Variants in GPM6A observed in about 807,000 individuals in gnomAD.
GPM6A encodes glycoprotein M6A, also known as neuronal membrane glycoprotein M6-a.
GPM6A carries 7 observed loss-of-function variants against 32.1 expected under a neutral mutation model. The ratio of observed to expected loss-of-function variants is 0.22; its 90% confidence interval spans 0.12 to 0.41. The LOEUF is 0.41. Ranked by LOEUF, GPM6A falls within the 10% of genes least tolerant of loss-of-function variation. The pLI, the probability that GPM6A is intolerant of heterozygous loss-of-function variation, is 1.00. For synonymous variants in GPM6A, 130 were observed against 123.4 expected (o/e 1.05, Z -0.35); for missense variants, 235 against 347.2 (o/e 0.68, Z 2.57).
chr4:175,883,258 C>G (rs1737339355), intron 1 of GPM6A, among the ~76,000 whole-genome samples: 1 of 152,046 alleles, frequency 6.6e-6, no homozygotes, highest in African/African-American at 2.4e-5. Flanking sequence ...AGCTACTGCT[C>G]TAGACTATCA....
At position 175,653,844 on chromosome 4, in the gene GPM6A, C is replaced by A. The variant is rs941563159; in HGVS notation, c.388-1857G>T. ...TTGACTGTATATGGTAAACATTTTA[C>A]TCATCTTCCCCAGAGTGAAAGGATA... is the stretch of plus-strand genomic sequence containing the variant. On this transcript the variant is annotated intron_variant, in intron 3 of 6. Coordinates refer to ENST00000393658, the MANE Select transcript of GPM6A (RefSeq NM_201591.3). 2.0e-5 allele frequency among the ~76,000 whole-genome samples: 3 copies of A among 152,196 alleles called. No homozygotes were observed. In the East Asian group the frequency reaches 5.8e-4, roughly 29 times the overall value.
At chr4:175,933,027 CA>C (rs1233108389) in intron 1 of GPM6A, among the ~76,000 whole-genome samples, 2 of 151,798 alleles carry the variant, frequency 1.3e-5, no homozygotes, top group East Asian at 3.9e-4. Flanking sequence ...TATAAAAAAA[CA>C]CCACACAACT....
intron 1 of GPM6A, among the ~76,000 whole-genome samples, chr4:175,772,349 T>A (rs1733224285): frequency 6.6e-6 from 1 of 152,170 alleles, no homozygotes; most frequent in African/African-American, 2.4e-5. Context: ...CAGGAAAGGC[T>A]GAAGTCCTAG....
At chr4:175,638,604 G>A (rs1452085840) in intron 6 of GPM6A, among the ~76,000 whole-genome samples, 1 of 152,006 alleles carries the variant, frequency 6.6e-6, no homozygotes, top group East Asian at 1.9e-4. Flanking sequence ...AATAACATTT[G>A]TCTAAATAGG....
In GPM6A at chr4:175,888,845, G is replaced by A. The variant is rs554393867; in HGVS notation, c.-22-76596C>T. Among the ~76,000 whole-genome samples, 11 of 152,084 alleles carry A rather than the reference G, an allele frequency of 7.2e-5. No homozygotes were observed. In the South Asian group the frequency reaches 2.1e-3, roughly 29 times the overall value. On this transcript the variant is annotated intron_variant, in intron 1 of 7. Transcript: ENST00000280187. ...CCAAGGATAATATAGTCAACATAAA[G>A]TAATACGGTAACATAAAGATCTACA...
chr4:175,970,982 G>A (rs1474151310), intron 1 of GPM6A: 10 of 425,264 alleles, frequency 2.4e-5, no homozygotes, highest in Non-Finnish European at 4.6e-5. Context: ...AGCGCAGAGC[G>A]CTCCTGGGGA....
intron 1 of GPM6A, among the ~76,000 whole-genome samples, chr4:175,910,609 T>A (rs1738284486): frequency 6.6e-6 from 1 of 152,210 alleles, no homozygotes; most frequent in South Asian, 2.1e-4. Flanking sequence ...ACTAGGCTTC[T>A]GAAATTTCTG....
intron 1 of GPM6A, among the ~76,000 whole-genome samples, chr4:175,885,481 A>G (rs1390965748): frequency 6.6e-6 from 1 of 152,158 alleles, no homozygotes; most frequent in Non-Finnish European, 1.5e-5. Context: ...TATTTTAAAA[A>G]TTATCCAGGT....
At chr4:175,900,116 C>CA (rs772236173) in intron 1 of GPM6A, among the ~76,000 whole-genome samples, 27 of 151,724 alleles carry the variant, frequency 1.8e-4, no homozygotes, top group Non-Finnish European at 3.4e-4. Context: ...ACTAAAAATA[C>CA]AAAAAAGTTA....
At chr4:175,924,406 T>G (rs1456319629) in intron 1 of GPM6A, among the ~76,000 whole-genome samples, 22 of 152,138 alleles carry the variant, frequency 1.4e-4, no homozygotes, top group Admixed American at 1.4e-3. Context: ...CTGTGGCCCT[T>G]GCTAAAGACT....
intron 1 of GPM6A, among the ~76,000 whole-genome samples, chr4:175,808,290 A>G (rs1198831514): frequency 6.6e-6 from 1 of 152,214 alleles, no homozygotes; most frequent in Non-Finnish European, 1.5e-5. Flanking sequence ...CCTTGTGTGC[A>G]TAGATTCCTT....
chr4:175,777,327 C>G, intron 1 of GPM6A, among the ~76,000 whole-genome samples: 1 of 152,020 alleles, frequency 6.6e-6, no homozygotes, highest in Middle Eastern at 3.2e-3. Context: ...AACCTTGGCA[C>G]ACCTGTTTAT....
At chr4:175,860,692 AC>A (rs1387101471) in intron 1 of GPM6A, among the ~76,000 whole-genome samples, 1 of 152,096 alleles carries the variant, frequency 6.6e-6, no homozygotes, top group Non-Finnish European at 1.5e-5. Context: ...AGCAAGCAGA[AC>A]CCCCAGCTTA....
At chr4:175,878,427 T>A (rs1266007412) in intron 1 of GPM6A, among the ~76,000 whole-genome samples, 1 of 152,158 alleles carries the variant, frequency 6.6e-6, no homozygotes, top group Non-Finnish European at 1.5e-5. Context: ...TTCTCTGAAA[T>A]CGAGGTGGAG....
chr4:175,853,191 C>G (rs1247466276), intron 1 of GPM6A, among the ~76,000 whole-genome samples: 1 of 151,974 alleles, frequency 6.6e-6, no homozygotes, highest in Non-Finnish European at 1.5e-5. Flanking sequence ...GATTAAAATA[C>G]TTTATGAATA....
chr4:175,889,790 G>T lies in GPM6A; in HGVS notation c.-22-77541C>A, dbSNP rs567774529. 3.9e-5 allele frequency among the ~76,000 whole-genome samples: 6 copies of T among 152,198 alleles called. No homozygotes were observed. The South Asian group carries it at 1.2e-3, about 32-fold the overall frequency. On this transcript the variant is annotated intron_variant, in intron 1 of 7. Transcript: ENST00000280187. ...ATCGCGCCACTGCACTCCAGCCTGG[G>T]TGACAGAGCGAGACTCCGTCTCAAA...
chr4:175,935,722 CTAGT>C (rs992725951), intron 1 of GPM6A, among the ~76,000 whole-genome samples: 105 of 151,976 alleles, frequency 6.9e-4, no homozygotes, highest in African/African-American at 2.1e-3. Context: ...CAGTTCTCCC[CTAGT>C]TAATCTATCA....
At chr4:175,881,251 C>G (rs1388567697) in intron 1 of GPM6A, among the ~76,000 whole-genome samples, 1 of 152,198 alleles carries the variant, frequency 6.6e-6, no homozygotes, top group African/African-American at 2.4e-5. Flanking sequence ...AAATGCTCAT[C>G]ATCACTGGCC....
intron 1 of GPM6A, among the ~76,000 whole-genome samples, chr4:175,964,976 T>TAC (rs1388798673): frequency 6.6e-6 from 1 of 152,194 alleles, no homozygotes; most frequent in Non-Finnish European, 1.5e-5. Flanking sequence ...AATCCACTAT[T>TAC]ACAGTTGCAG....
Sources: allele counts gnomAD v4.1 joint callset (sites outside exome capture counted in the v4.1 genomes callset), GRCh38; gene constraint gnomAD v4.1.1; transcripts MANE v1.5; gene names NCBI Gene and HGNC (gene_info 2026-07-23, HGNC 2026-07-21).